The following GSK3B variants were observed in gnomAD, a reference collection of about 807,000 sequenced individuals.
The protein encoded by GSK3B is glycogen synthase kinase-3 beta.
GSK3B carries 15 observed loss-of-function variants against 56.4 expected under a neutral mutation model. The ratio of observed to expected loss-of-function variants is 0.27; its 90% CI spans 0.18 to 0.41. The LOEUF (loss-of-function observed/expected upper bound fraction) is 0.41, where lower values mean the gene tolerates loss of function less well. Among genes scored for constraint, GSK3B ranks in the 10% least tolerant of loss-of-function variants. The probability of loss-of-function intolerance (pLI) is 1.00; values close to 1 mark genes in which losing one functional copy is unlikely to be tolerated. For missense variants in GSK3B, 300 were observed against 513.4 expected (o/e 0.58, Z 4.02); for synonymous variants, 181 against 188.9 (o/e 0.96, Z 0.34).
intron 5 of GSK3B, among the ~76,000 whole-genome samples, chr3:119,915,840 A>G (rs527833106): frequency 6.6e-6 from 1 of 152,188 alleles, no homozygotes; most frequent in East Asian, 1.9e-4. Context: ...TAATTCCTAA[A>G]AGTTAAACTG....
At chr3:119,955,998 T>C (rs1370022232) in intron 2 of GSK3B, among the ~76,000 whole-genome samples, 2 of 151,892 alleles carry the variant, frequency 1.3e-5, no homozygotes, top group Non-Finnish European at 2.9e-5. Context: ...AAGATTGCTA[T>C]GAAAAAAAAT....
intron 3 of GSK3B, among the ~76,000 whole-genome samples, chr3:119,942,543 A>G (rs1010976808): frequency 6.6e-6 from 1 of 152,162 alleles, no homozygotes; most frequent in Non-Finnish European, 1.5e-5. Context: ...CGGCCTCCCA[A>G]AATGCTGGGA....
At chr3:119,885,248 CAAATA>C (rs57760854) in intron 7 of GSK3B, among the ~76,000 whole-genome samples, 33,162 of 143,710 alleles carry the variant, frequency 0.23, 4,203 homozygotes, top group East Asian at 0.35. Flanking sequence ...ACAATAGCCA[CAAATA>C]AAATAAAATA....
intron 3 of GSK3B, among the ~76,000 whole-genome samples, chr3:119,942,928 G>A (rs1199741998): frequency 2.0e-5 from 3 of 152,104 alleles, no homozygotes; most frequent in Non-Finnish European, 2.9e-5. Flanking sequence ...TTACTACTGG[G>A]TAACATAGAG....
chr3:119,888,197 TA>T (rs1209773338), intron 7 of GSK3B, among the ~76,000 whole-genome samples: 6 of 152,130 alleles, frequency 3.9e-5, no homozygotes, highest in Non-Finnish European at 8.8e-5. Context: ...TCCCCCTCAT[TA>T]AAAAATTCCT....
chr3:119,893,683 C>A (rs1195194239), intron 7 of GSK3B, among the ~76,000 whole-genome samples: 1 of 152,110 alleles, frequency 6.6e-6, no homozygotes, highest in Admixed American at 6.6e-5. Flanking sequence ...TTCACTCTTT[C>A]TTGCCTGTCA....
chr3:119,960,900 G>A (rs1037573775), intron 2 of GSK3B, among the ~76,000 whole-genome samples: 1 of 151,992 alleles, frequency 6.6e-6, no homozygotes, highest in Non-Finnish European at 1.5e-5. Context: ...CTAGAATCTA[G>A]AACAATGCCC....
intron 9 of GSK3B, among the ~76,000 whole-genome samples, chr3:119,854,135 T>C (rs942743913): frequency 2.0e-5 from 3 of 152,242 alleles, no homozygotes; most frequent in Non-Finnish European, 2.9e-5. Flanking sequence ...TGAAGGTCTG[T>C]TGAATTTTGT....
chr3:120,058,251 G>A, intron 1 of GSK3B, among the ~76,000 whole-genome samples: 1 of 151,860 alleles, frequency 6.6e-6, no homozygotes, highest in East Asian at 1.9e-4. Flanking sequence ...TTTTTATACT[G>A]ATAATATATT....
At chr3:120,005,715 C>G (rs764122245) in intron 1 of GSK3B, among the ~76,000 whole-genome samples, 1 of 152,144 alleles carries the variant, frequency 6.6e-6, no homozygotes. Flanking sequence ...CCTTTACGGA[C>G]AAGCAAATGC....
chr3:119,836,718 C>G (rs1323386078), intron 10 of GSK3B, among the ~76,000 whole-genome samples: 1 of 152,024 alleles, frequency 6.6e-6, no homozygotes, highest in Non-Finnish European at 1.5e-5. Flanking sequence ...TGTAGTTAAG[C>G]AAACAAGAGG....
intron 1 of GSK3B, among the ~76,000 whole-genome samples, chr3:120,013,184 G>C (rs563620080): frequency 6.6e-6 from 1 of 152,262 alleles, no homozygotes; most frequent in East Asian, 1.9e-4. Flanking sequence ...CCCATCCAAG[G>C]TATGGAGGGA....
intron 1 of GSK3B, among the ~76,000 whole-genome samples, chr3:120,005,901 G>A (rs1219175197): frequency 1.3e-5 from 2 of 152,160 alleles, no homozygotes; most frequent in Non-Finnish European, 2.9e-5. Flanking sequence ...GCATCATAAT[G>A]ACAGGATCAA....
intron 2 of GSK3B, among the ~76,000 whole-genome samples, chr3:119,950,614 G>A (rs1007959409): frequency 1.3e-5 from 2 of 152,112 alleles, no homozygotes; most frequent in African/African-American, 2.4e-5. Flanking sequence ...GGGTCCTAAG[G>A]GGTTAGAAAG....
At chr3:120,074,254 C>T (rs935316078) in intron 1 of GSK3B, among the ~76,000 whole-genome samples, 1 of 151,028 alleles carries the variant, frequency 6.6e-6, no homozygotes, top group Non-Finnish European at 1.5e-5. Flanking sequence ...GAATGTACAT[C>T]GCACCACCGC....
intron 10 of GSK3B, among the ~76,000 whole-genome samples, chr3:119,827,835 C>CG (rs1414550442): frequency 7.2e-6 from 1 of 138,698 alleles, no homozygotes; most frequent in Non-Finnish European, 1.5e-5. Flanking sequence ...GGAAGGGTAG[C>CG]GGGGGTGGGG....
chr3:119,934,284 G>A (rs149227563), intron 3 of GSK3B, among the ~76,000 whole-genome samples: 3 of 152,276 alleles, frequency 2.0e-5, no homozygotes, highest in East Asian at 3.9e-4. Flanking sequence ...AAAGCATGTC[G>A]ACAGTATATG....
At chr3:120,008,265 T>C (rs543047454) in intron 1 of GSK3B, among the ~76,000 whole-genome samples, 89 of 152,328 alleles carry the variant, frequency 5.8e-4, no homozygotes, top group African/African-American at 1.6e-3. Flanking sequence ...TCCATGCTCA[T>C]GCATAGGAAG....
At chr3:119,838,093 GC>G (rs1271674406) in intron 10 of GSK3B, among the ~76,000 whole-genome samples, 3 of 151,488 alleles carry the variant, frequency 2.0e-5, no homozygotes, top group Non-Finnish European at 1.5e-5. Flanking sequence ...TTCGAGACCA[GC>G]CTGGCCAACA....
Sources: gnomAD v4.1 joint callset for allele counts (sites outside exome capture counted in the v4.1 genomes callset) on GRCh38, gnomAD v4.1.1 for gene constraint, MANE v1.5 for transcripts, NCBI Gene and HGNC (gene_info 2026-07-23, HGNC 2026-07-21) for gene names.